DPYD: variants seen among roughly 807,000 people sequenced by gnomAD.
DPYD encodes dihydropyrimidine dehydrogenase [NADP(+)].
Under a neutral mutation model 116.2 loss-of-function variants are expected in DPYD, and 109 were observed. The observed-to-expected ratio is 0.94, with a 90% CI of 0.80 to 1.10. DPYD has a LOEUF of 1.10. Ranked by LOEUF, DPYD falls within the 50% of genes least tolerant of loss-of-function variation. The pLI is 0.00. For missense variants in DPYD, 1,302 were observed against 1,254.5 expected (o/e 1.04, Z -0.57); for synonymous variants, 440 against 432.0 (o/e 1.02, Z -0.23).
intron 8 of DPYD, among the ~76,000 whole-genome samples, chr1:97,655,036 C>CCCGT (rs976784118): frequency 6.6e-6 from 1 of 152,112 alleles, no homozygotes; most frequent in Non-Finnish European, 1.5e-5. Flanking sequence ...TATCTCCCAC[C>CCCGT]CCGTCCCTCT....
chr1:97,249,096 T>G, intron 18 of DPYD, among the ~76,000 whole-genome samples: 1 of 152,190 alleles, frequency 6.6e-6, no homozygotes, highest in East Asian at 1.9e-4. Flanking sequence ...ACTGATAAGC[T>G]GATTCTTAAC....
chr1:97,170,924 C>T (rs61240803), intron 20 of DPYD, among the ~76,000 whole-genome samples: 4,570 of 152,184 alleles, frequency 0.03, 253 homozygotes, highest in East Asian at 0.24. Context: ...CCACAAACCT[C>T]GGCCTCCCAG....
intron 20 of DPYD, among the ~76,000 whole-genome samples, chr1:97,136,101 T>C (rs1189811309): frequency 6.6e-6 from 1 of 152,232 alleles, no homozygotes; most frequent in African/African-American, 2.4e-5. Flanking sequence ...TAGGCCTCCC[T>C]GTTGCCAGTC....
At position 97,828,011 on chromosome 1, in the gene DPYD, A is replaced by C. The variant is rs1669323565; in HGVS notation, c.233+103T>G. ...CACTGACAAATTAATACCTTAGAGA[A>C]CAGAGCTGAATGGTGGCAATGAACT... On this transcript the variant is annotated intron_variant, in intron 3 of 22. Coordinates refer to ENST00000370192, the MANE Select transcript of DPYD (RefSeq NM_000110.4). The C allele has an allele frequency of 5.4e-6, 6 of 1,113,164 alleles. No homozygotes were observed. The South Asian group carries it at 7.8e-5, about 15-fold the overall frequency. 69.0% of individuals were successfully genotyped at this position (1,113,164 alleles called of 1,614,324 possible). A position where few individuals can be genotyped will look rare whatever the true frequency, so the allele number is the denominator to read the frequency against.
At chr1:97,671,829 A>G (rs1659875462) in intron 8 of DPYD, among the ~76,000 whole-genome samples, 1 of 151,990 alleles carries the variant, frequency 6.6e-6, no homozygotes, top group African/African-American at 2.4e-5. Context: ...AAAACTATAT[A>G]CTATAAATGA....
intron 3 of DPYD, among the ~76,000 whole-genome samples, chr1:97,759,381 A>G (rs1665448682): frequency 6.6e-6 from 1 of 152,062 alleles, no homozygotes; most frequent in Non-Finnish European, 1.5e-5. Context: ...TTTACTGCCC[A>G]TTTAGCTTTT....
At chr1:97,223,388 AACACACACACACAC>A (rs67855545) in intron 19 of DPYD, among the ~76,000 whole-genome samples, 35 of 148,412 alleles carry the variant, frequency 2.4e-4, no homozygotes, top group Admixed American at 7.4e-4. Flanking sequence ...GATAGAATTA[AACACACACACACAC>A]ACACACACAC....
At chr1:97,763,842 T>G (rs191307310) in intron 3 of DPYD, among the ~76,000 whole-genome samples, 1 of 152,248 alleles carries the variant, frequency 6.6e-6, no homozygotes, top group East Asian at 1.9e-4. Flanking sequence ...TTATGAATCT[T>G]ATTTTTCTCT....
intron 2 of DPYD, among the ~76,000 whole-genome samples, chr1:97,857,631 C>T (rs751552106): frequency 7.9e-5 from 12 of 152,148 alleles, no homozygotes; most frequent in East Asian, 1.9e-4. Flanking sequence ...CCCCTTCTTC[C>T]GTAGCTCACC....
chr1:97,887,083 T>C (rs1672533782), intron 1 of DPYD, among the ~76,000 whole-genome samples: 1 of 151,918 alleles, frequency 6.6e-6, no homozygotes, highest in African/African-American at 2.4e-5. Flanking sequence ...AGACACCTGA[T>C]AAAACCAGGG....
At chr1:97,552,290 G>T (rs1221737587) in intron 11 of DPYD, among the ~76,000 whole-genome samples, 4 of 152,092 alleles carry the variant, frequency 2.6e-5, no homozygotes, top group Non-Finnish European at 4.4e-5. Context: ...CTGAATAAAT[G>T]CTTCACAAAT....
At chr1:97,100,312 A>C (rs1431697863) in intron 20 of DPYD, among the ~76,000 whole-genome samples, 4 of 151,992 alleles carry the variant, frequency 2.6e-5, no homozygotes, top group Non-Finnish European at 1.5e-5. Context: ...CTTGGTGCCA[A>C]AAAAATGCCT....
At chr1:97,190,082 G>A (rs1367980947) in intron 20 of DPYD, among the ~76,000 whole-genome samples, 1 of 152,114 alleles carries the variant, frequency 6.6e-6, no homozygotes, top group Non-Finnish European at 1.5e-5. Context: ...AGCTAACAAG[G>A]AAGCTTCACA....
intron 18 of DPYD, among the ~76,000 whole-genome samples, chr1:97,303,293 T>G (rs1377231877): frequency 6.6e-6 from 1 of 152,012 alleles, no homozygotes; most frequent in Non-Finnish European, 1.5e-5. Context: ...ATGCAGCATC[T>G]CTGAAAGCAG....
chr1:97,268,636 G>C (rs752413871), intron 18 of DPYD, among the ~76,000 whole-genome samples: 3 of 152,124 alleles, frequency 2.0e-5, no homozygotes. Context: ...GATTGCTTGA[G>C]CCACTGCTGG....
intron 21 of DPYD, among the ~76,000 whole-genome samples, chr1:97,092,146 A>G (rs908254428): frequency 2.0e-5 from 3 of 152,092 alleles, no homozygotes; most frequent in Non-Finnish European, 2.9e-5. Context: ...ACTTGTCACC[A>G]TCTGACATAT....
intron 14 of DPYD, among the ~76,000 whole-genome samples, chr1:97,408,846 G>GAC (rs1215548658): frequency 1.3e-5 from 2 of 152,130 alleles, no homozygotes; most frequent in African/African-American, 4.8e-5. Context: ...TCTCATGCTG[G>GAC]ACACTTCCTG....
intron 16 of DPYD, among the ~76,000 whole-genome samples, chr1:97,325,463 G>C (rs1018951803): frequency 6.6e-6 from 1 of 151,962 alleles, no homozygotes; most frequent in Non-Finnish European, 1.5e-5. Flanking sequence ...GAAACCTTCT[G>C]AATCTGGACC....
In DPYD at chr1:97,450,059, G is replaced by C. The variant is rs3918289; in HGVS notation, c.1905C>G (p.Asn635Lys). Reference protein sequence around the residue: ...VTELKADFPDNIVIASIMCSY... With the variant: ...VTELKADFPDKIVIASIMCSY... ...GTTTTAGATGTTAAATCACACTTAC[G>C]TTGTCTGGAAAGTCAGCCTTTAGTT... The change falls in exon 14 of 23, where the codon AAC (asparagine) becomes AAG (lysine). Residue 635 changes from asparagine to lysine, a missense_variant and splice_region_variant. Asn to Lys is a moderately conservative substitution (Grantham distance 94, BLOSUM62 0). Transcript: ENST00000370192. 17 of 1,613,728 alleles carry C rather than the reference G, an allele frequency of 1.1e-5. No individual in the cohort carries two copies. The highest frequency in any genetic ancestry group is 1.4e-5 in the Non-Finnish European group (17 of 1,179,768).
Sources: gnomAD v4.1 joint callset for allele counts (sites outside exome capture counted in the v4.1 genomes callset) on GRCh38, gnomAD v4.1.1 for gene constraint, MANE v1.5 for transcripts, NCBI Gene and HGNC (gene_info 2026-07-23, HGNC 2026-07-21) for gene names.